The following DDRGK1 variants were observed in gnomAD, a reference collection of about 807,000 sequenced individuals.
DDRGK1 encodes the protein DDRGK domain containing 1, also known as DDRGK domain-containing protein 1.
DDRGK1 carries 38 observed loss-of-function variants against 45.8 expected under a neutral mutation model. That is an observed-to-expected ratio of 0.83 (90% CI 0.64 to 1.09). The LOEUF is 1.09. Among genes scored for constraint, DDRGK1 ranks in the 50% least tolerant of loss-of-function variants. The pLI, the probability that DDRGK1 is intolerant of heterozygous loss-of-function variation, is 0.00. For synonymous variants in DDRGK1, 171 were observed against 168.7 expected (o/e 1.01, Z -0.11); for missense variants, 403 against 419.9 (o/e 0.96, Z 0.35).
At chr20:3,197,363 G>C (rs2067015689) in intron 4 of DDRGK1, among the ~76,000 whole-genome samples, 1 of 152,072 alleles carries the variant, frequency 6.6e-6, no homozygotes, top group South Asian at 2.1e-4. Context: ...TGTGCACAGT[G>C]ACTTCTTTCC....
rs561421050 is a variant in DDRGK1, at chr20:3,200,882, G to A, written c.296-428C>T. Among the ~76,000 whole-genome samples the A allele has an allele frequency of 3.5e-4, 53 of 152,286 alleles. 1 individual carries two copies. The East Asian group carries it at 5.0e-3, about 14-fold the overall frequency. Reference sequence around the variant, plus strand: ...TCCCAGAACTTTGGGAGGCAAAGGTGGGCGGATCACGAGGTTAGGAGATCG... The same window carrying A: ...TCCCAGAACTTTGGGAGGCAAAGGTAGGCGGATCACGAGGTTAGGAGATCG... On this transcript the variant is annotated intron_variant, in intron 2 of 8. Transcript: ENST00000354488.
intron 6 of DDRGK1, among the ~76,000 whole-genome samples, chr20:3,194,522 T>C (rs559540066): frequency 1.3e-5 from 2 of 152,296 alleles, no homozygotes; most frequent in South Asian, 2.1e-4. Flanking sequence ...AGAAAACACA[T>C]GTGAAGAGAC....
intron 8 of DDRGK1, among the ~76,000 whole-genome samples, 167 bp downstream of exon 8, chr20:3,191,023 C>T (rs2066987298): frequency 6.6e-6 from 1 of 152,182 alleles, no homozygotes; most frequent in Non-Finnish European, 1.5e-5. Context: ...ACCTCCAGGC[C>T]CTGGCATGTC....
chr20:3,200,200 C>A, intron 3 of DDRGK1, 98 bp from the exon 4 acceptor site: 2 of 1,490,832 alleles, frequency 1.3e-6, no homozygotes, highest in Non-Finnish European at 1.8e-6. Flanking sequence ...GGCCAGGGCA[C>A]AGACCCAGGC....
Position 3,190,594 on chromosome 20 carries a change from TGA to T in DDRGK1, c.*57_*58del. 4 of 1,587,334 alleles carry T rather than the reference TGA, an allele frequency of 2.5e-6. No homozygotes were observed. The highest frequency in any genetic ancestry group is 2.2e-5 in the South Asian group (2 of 89,450). On this transcript the variant is annotated 3_prime_UTR_variant, in exon 9 of 9. Transcript: ENST00000354488. ...ACTTCCCCAGGATGGTGGGGAGGGA[TGA>T]AGATGTATAGCCAGGTAGGCCACAC...
At chr20:3,193,162 C>G (rs2066996376) in intron 6 of DDRGK1, among the ~76,000 whole-genome samples, 1 of 152,196 alleles carries the variant, frequency 6.6e-6, no homozygotes. Context: ...CATGGTCAGA[C>G]AGGAGAATGG....
At position 3,195,796 on chromosome 20, in the gene DDRGK1, T is replaced by C. The variant is rs141415795; in HGVS notation, c.511-443A>G. Among the ~76,000 whole-genome samples, 863 of 152,150 alleles carry C rather than the reference T, an allele frequency of 5.7e-3. 8 individuals are homozygous for C. The highest frequency in any genetic ancestry group is 9.5e-3 in the Non-Finnish European group (648 of 68,006). ...AGCCCACTCCAGTCTGGCTTCTGTG[T>C]TCCCAGTTCTATGAAACAACTCCTG... On this transcript the variant is annotated intron_variant, in intron 4 of 8. Transcript: ENST00000354488.
intron 4 of DDRGK1, among the ~76,000 whole-genome samples, chr20:3,197,168 A>G (rs2067014806): frequency 7.0e-6 from 1 of 143,726 alleles, no homozygotes; most frequent in Non-Finnish European, 1.5e-5. Flanking sequence ...GGTTGCAGTG[A>G]GCCCAGATTG....
At chr20:3,198,854 T>A (rs547721495) in intron 4 of DDRGK1, among the ~76,000 whole-genome samples, 2 of 141,110 alleles carry the variant, frequency 1.4e-5, no homozygotes, top group South Asian at 4.8e-4. Flanking sequence ...AAAATATGAA[T>A]AATGGGGTCA....
At chr20:3,198,946 A>T (rs2067023936) in intron 4 of DDRGK1, among the ~76,000 whole-genome samples, 1 of 146,098 alleles carries the variant, frequency 6.8e-6, no homozygotes, top group Non-Finnish European at 1.5e-5. Flanking sequence ...ATTCAAAAGC[A>T]GCCTGGGAAA....
At chr20:3,196,473 C>G (rs539161673) in intron 4 of DDRGK1, among the ~76,000 whole-genome samples, 22 of 151,152 alleles carry the variant, frequency 1.5e-4, no homozygotes, top group Admixed American at 3.3e-4. Context: ...GTCAGGAGAT[C>G]GAGACCATCC....
intron 4 of DDRGK1, among the ~76,000 whole-genome samples, chr20:3,195,878 CAT>C (rs1414457787): frequency 6.6e-6 from 1 of 152,156 alleles, no homozygotes; most frequent in Non-Finnish European, 1.5e-5. Context: ...CTTCAGGTCT[CAT>C]ATGTCTGTCC....
Position 3,190,714 on chromosome 20 carries a change from G to C in DDRGK1, c.884C>G (p.Ala295Gly). The C allele has an allele frequency of 6.2e-7, 1 of 1,614,108 alleles. No homozygotes were observed. Among genetic ancestry groups the C allele is most frequent in the Non-Finnish European group, 8.5e-7 (1 of 1,180,002 alleles). ...QRGRVSIAEL[A>G]QASNSLIAWG... Reference sequence around the variant, plus strand: ...GGCGATGAGGGAGTTGCTGGCTTGGGCAAGCTCGGCGATGGACACCCGGCC... The same window carrying C: ...GGCGATGAGGGAGTTGCTGGCTTGGCCAAGCTCGGCGATGGACACCCGGCC... Residue 295 changes from alanine to glycine, a missense_variant, in exon 9 of 9, where the codon GCC becomes GGC. Ala to Gly is a moderately conservative substitution (Grantham distance 60, BLOSUM62 0). Transcript: ENST00000354488.
At chr20:3,197,921 C>CA (rs34622182) in intron 4 of DDRGK1, among the ~76,000 whole-genome samples, 1,471 of 65,254 alleles carry the variant, frequency 0.023, 24 homozygotes, top group African/African-American at 0.061. Flanking sequence ...GACTGTATCT[C>CA]AAAAAAAAAA....
At chr20:3,194,434 AC>A (rs2067001435) in intron 6 of DDRGK1, among the ~76,000 whole-genome samples, 1 of 152,142 alleles carries the variant, frequency 6.6e-6, no homozygotes, top group African/African-American at 2.4e-5. Context: ...CCCCTGAAAG[AC>A]CCAAGTTCCC....
chr20:3,197,484 G>A (rs992240122), intron 4 of DDRGK1, among the ~76,000 whole-genome samples: 13 of 152,124 alleles, frequency 8.5e-5, no homozygotes, highest in Admixed American at 3.3e-4. Flanking sequence ...CAAGTGAAGC[G>A]GATAACTTGC....
rs751789874 is a variant in DDRGK1, at chr20:3,195,370, CAA to C, written c.511-19_511-18del. The C allele has an allele frequency of 6.3e-7, 1 of 1,575,948 alleles. No individual in the cohort carries two copies. Among genetic ancestry groups the C allele is most frequent in the Admixed American group, 1.8e-5 (1 of 54,530 alleles). ...CTCCTCCTCCTGTGGACATAGGAGG[CAA>C]AAGTCAGGTATCGGGGGCAGAACAG... On this transcript the variant is annotated intron_variant, in intron 4 of 8. Transcript: ENST00000354488.
intron 2 of DDRGK1, 29 bp from the exon 3 acceptor site, chr20:3,200,483 G>T: frequency 1.3e-6 from 2 of 1,547,960 alleles, no homozygotes; most frequent in East Asian, 2.4e-5. Flanking sequence ...AGACAGTTCA[G>T]GTTCTGACCA....
intron 6 of DDRGK1, among the ~76,000 whole-genome samples, chr20:3,192,351 C>T (rs918447011): frequency 5.3e-5 from 8 of 152,190 alleles, no homozygotes; most frequent in Non-Finnish European, 8.8e-5. Flanking sequence ...ATAGTCCCCG[C>T]CCTGGAGCTC....
Sources: gnomAD v4.1 joint callset for allele counts (sites outside exome capture counted in the v4.1 genomes callset) on GRCh38, gnomAD v4.1.1 for gene constraint, MANE v1.5 for transcripts, NCBI Gene and HGNC (gene_info 2026-07-23, HGNC 2026-07-21) for gene names.